Variants in PCSK6 observed in about 807,000 individuals in gnomAD.
PCSK6 encodes the protein proprotein convertase subtilisin/kexin type 6.
PCSK6 carries 85 observed loss-of-function variants against 123.3 expected under a neutral mutation model. The observed-to-expected ratio is 0.69, with a 90% CI of 0.58 to 0.83. PCSK6 has a LOEUF of 0.83. Ranked by LOEUF, PCSK6 falls within the 40% of genes least tolerant of loss-of-function variation. PCSK6 has a pLI of 0.00. For synonymous variants in PCSK6, 508 were observed against 516.0 expected (o/e 0.98, Z 0.21); for missense variants, 1,191 against 1,282.3 (o/e 0.93, Z 1.09).
chr15:101,482,044 C>G (rs983148722), intron 1 of PCSK6, among the ~76,000 whole-genome samples: 51 of 152,246 alleles, frequency 3.3e-4, no homozygotes, highest in African/African-American at 1.1e-3. Context: ...GAAACGGCGG[C>G]TGGTGGGGTC....
rs1450432575 is a variant in PCSK6, at chr15:101,427,797, A to G, written c.823+95T>C. 3.9e-6 allele frequency: 4 copies of G among 1,022,722 alleles called. No homozygotes were observed. In the Admixed American group the frequency reaches 6.5e-5, roughly 17 times the overall value. 63.4% of individuals were successfully genotyped at this position (1,022,722 alleles called of 1,614,324 possible). On this transcript the variant is annotated intron_variant, in intron 6 of 21. Coordinates refer to ENST00000611716, the MANE Select transcript of PCSK6 (RefSeq NM_002570.5). Reference sequence around the variant, plus strand: ...GGGGTCTGCTGACATGGCCAAAGCCAAAAAACAGGAGGCTGCTGAGACCAG... The same window carrying G: ...GGGGTCTGCTGACATGGCCAAAGCCGAAAAACAGGAGGCTGCTGAGACCAG...
intron 1 of PCSK6, among the ~76,000 whole-genome samples, chr15:101,475,229 C>T (rs1187154348): frequency 6.6e-6 from 1 of 152,198 alleles, no homozygotes; most frequent in Non-Finnish European, 1.5e-5. Flanking sequence ...CTGAATTACA[C>T]TGAGTGACGA....
In PCSK6 at chr15:101,320,172, G is replaced by A. The variant is rs545914775; in HGVS notation, c.2466-1750C>T. ...ACGATCTCAGCTCACTGCAACCTCC[G>A]CCTCCCAGGTTCAAGCGATTCTCCT... On this transcript the variant is annotated intron_variant, in intron 18 of 21. Coordinates refer to ENST00000611716, the MANE Select transcript of PCSK6 (RefSeq NM_002570.5). 4.1e-3 allele frequency among the ~76,000 whole-genome samples: 625 copies of A among 152,274 alleles called. 5 individuals are homozygous for A. The highest frequency in any genetic ancestry group is 4.5e-3 in the Non-Finnish European group (308 of 68,010).
chr15:101,413,020 G>C (rs1459935631), intron 6 of PCSK6, among the ~76,000 whole-genome samples: 1 of 143,982 alleles, frequency 6.9e-6, no homozygotes, highest in Non-Finnish European at 1.5e-5. Context: ...AGGAGGAGGA[G>C]GAGGAGGAGG....
At position 101,430,478 on chromosome 15, in the gene PCSK6, G is replaced by C. The variant is rs1276525895; in HGVS notation, c.658-415C>G. On this transcript the variant is annotated intron_variant, in intron 4 of 21. Coordinates refer to ENST00000611716, the MANE Select transcript of PCSK6 (RefSeq NM_002570.5). ...GGCAGTATTTGTCCTTTTGTGACTG[G>C]CTTATTTCACTTCGCATAACGTCCA... is the stretch of plus-strand genomic sequence containing the variant. Among the ~76,000 whole-genome samples, 5 of 152,298 alleles carry C rather than the reference G, an allele frequency of 3.3e-5. No homozygotes were observed. In the East Asian group the frequency reaches 5.8e-4, roughly 18 times the overall value.
In PCSK6 at chr15:101,316,737, G is replaced by A. The variant is rs139529382; in HGVS notation, c.2569+1582C>T. On this transcript the variant is annotated intron_variant, in intron 19 of 21. Coordinates refer to ENST00000611716, the MANE Select transcript of PCSK6 (RefSeq NM_002570.5). ...TGAGGTCAGCCTGGCAATCATAGGA[G>A]GACACTGGCCTTGGCCACAGCCTTG... Among the ~76,000 whole-genome samples the A allele has an allele frequency of 8.8e-4, 134 of 152,214 alleles. 1 individual carries two copies. Among genetic ancestry groups the A allele is most frequent in the Admixed American group, 1.6e-3 (24 of 15,298 alleles).
intron 13 of PCSK6, among the ~76,000 whole-genome samples, chr15:101,351,158 A>AGC (rs201907403): frequency 6.6e-6 from 1 of 151,582 alleles, no homozygotes; most frequent in Non-Finnish European, 1.5e-5. Flanking sequence ...GTCACGTGAA[A>AGC]AGCTTGAAAT....
intron 13 of PCSK6, chr15:101,347,854 G>T: frequency 8.3e-7 from 1 of 1,208,602 alleles, no homozygotes; most frequent in Non-Finnish European, 1.2e-6. Flanking sequence ...CAACAGGAGT[G>T]GAGGGCAGCA....
intron 1 of PCSK6, among the ~76,000 whole-genome samples, chr15:101,479,431 CTGGAAGGGAGGCAGGGAAGCCA>C (rs1226620047): frequency 6.6e-6 from 1 of 152,196 alleles, no homozygotes; most frequent in African/African-American, 2.4e-5. Context: ...GGGAAATGGC[CTGGAAGGGAGGCAGGGAAGCCA>C]GTGAGGCAGT....
At chr15:101,390,026 T>C (rs1420113359) in intron 8 of PCSK6, among the ~76,000 whole-genome samples, 1 of 152,168 alleles carries the variant, frequency 6.6e-6, no homozygotes, top group Non-Finnish European at 1.5e-5. Context: ...TCAGAGCAGC[T>C]AGAGATACCC....
At chr15:101,406,960 T>C (rs1322072302) in intron 6 of PCSK6, among the ~76,000 whole-genome samples, 1 of 152,144 alleles carries the variant, frequency 6.6e-6, no homozygotes, top group Non-Finnish European at 1.5e-5. Context: ...GGTCCCGTGA[T>C]AACTGAGACT....
chr15:101,350,019 C>T (rs1191507280), intron 13 of PCSK6, among the ~76,000 whole-genome samples: 1 of 152,134 alleles, frequency 6.6e-6, no homozygotes, highest in Non-Finnish European at 1.5e-5. Context: ...AGCAATTCTC[C>T]TGCCTCAGCC....
At chr15:101,418,520 A>AATTTTTTTT (rs1305478277) in intron 6 of PCSK6, among the ~76,000 whole-genome samples, 1 of 136,576 alleles carries the variant, frequency 7.3e-6, no homozygotes. Context: ...CCAATTTAGG[A>AATTTTTTTT]TTTTTTTTTT....
intron 17 of PCSK6, among the ~76,000 whole-genome samples, chr15:101,323,011 T>C (rs1044858001): frequency 1.3e-5 from 2 of 152,332 alleles, no homozygotes; most frequent in African/African-American, 2.4e-5. Context: ...GGGAAACCTA[T>C]GTATGAAGAT....
intron 20 of PCSK6, chr15:101,308,885 A>G (rs1261656634): frequency 6.6e-6 from 1 of 152,338 alleles, no homozygotes; most frequent in Non-Finnish European, 1.5e-5. Context: ...GAGCTGAGTC[A>G]TTTAAAGAGA....
At chr15:101,485,603 G>C (rs945985630) in intron 1 of PCSK6, among the ~76,000 whole-genome samples, 4 of 151,988 alleles carry the variant, frequency 2.6e-5, no homozygotes, top group Non-Finnish European at 5.9e-5. Context: ...TTTTCCATGG[G>C]GAGAGCCTGT....
chr15:101,312,918 T>G, intron 20 of PCSK6: 1 of 456,452 alleles, frequency 2.2e-6, no homozygotes, highest in East Asian at 1.3e-4. Flanking sequence ...GGCATGAGAG[T>G]TGCTTGAATC....
At chr15:101,445,103 C>A (rs1246891675) in intron 1 of PCSK6, among the ~76,000 whole-genome samples, 1 of 152,188 alleles carries the variant, frequency 6.6e-6, no homozygotes, top group Non-Finnish European at 1.5e-5. Flanking sequence ...AATACGAAGA[C>A]AGTCATGAGG....
rs115317252 is a variant in PCSK6 at position 101,390,996 on chromosome 15, C to T, written c.1210-1432G>A. 8.8e-3 allele frequency among the ~76,000 whole-genome samples: 1,337 copies of T among 152,224 alleles called. 19 individuals are homozygous for T. The highest frequency in any genetic ancestry group is 0.031 in the African/African-American group (1,287 of 41,538). ...AGTGAGAGCAATCCAGATCCTCTTC[C>T]GAACTCAGCACCTTCCTTGCACACG... On this transcript the variant is annotated intron_variant, in intron 8 of 21. Transcript: ENST00000611716.
Sources: gnomAD v4.1 joint callset for allele counts (sites outside exome capture counted in the v4.1 genomes callset) on GRCh38, gnomAD v4.1.1 for gene constraint, MANE v1.5 for transcripts, NCBI Gene and HGNC (gene_info 2026-07-23, HGNC 2026-07-21) for gene names.